Variants in CCDC136 observed in about 807,000 individuals in gnomAD.
CCDC136 encodes the protein coiled-coil domain containing 136.
In CCDC136, 100 loss-of-function variants were observed where a neutral mutation model predicts 141.2. The ratio of observed to expected loss-of-function variants is 0.71; its 90% CI spans 0.60 to 0.84. CCDC136 has a LOEUF of 0.84. Ranked by LOEUF, CCDC136 falls within the 40% of genes least tolerant of loss-of-function variation. The pLI is 0.00. For missense variants in CCDC136, 1,206 were observed against 1,379.4 expected, an observed-to-expected ratio of 0.87 and a Z score of 1.99; for synonymous variants, 474 against 531.9, an observed-to-expected ratio of 0.89 and a Z score of 1.50.
chr7:128,812,319 G>T lies in CCDC136; in HGVS notation c.2541+7G>T, dbSNP rs774129013. On this transcript the variant is annotated splice_region_variant and intron_variant, in intron 13 of 17. Transcript: ENST00000297788. ...TGAGCCTGAAGACATGGAGGTAATG[G>T]TTGCCAGGTGACAGGTCAGGCAGGG... 1 of 1,608,078 alleles carries T rather than the reference G, an allele frequency of 6.2e-7. No homozygotes were observed. The highest frequency in any genetic ancestry group is 8.5e-7 in the Non-Finnish European group (1 of 1,177,478).
rs762129131 is a variant in CCDC136, at chr7:128,805,895, C to T, written c.1083C>T (p.Val361=). ...EVLRFQTSHS[V]TQNEELKSRL... ...TTCGGTTTCAGACCTCCCACAGTGT[C>T]ACCCAGGTAAACACTGCCCGGGGAG... Residue 361 remains valine, a synonymous_variant, in exon 7 of 18, where the codon GTC becomes GTT. Transcript: ENST00000297788. This position sits in a 1 kb window ranked among gnomAD's most constrained non-coding sequence, Gnocchi z 4.6. The T allele has an allele frequency of 4.3e-6, 7 of 1,613,742 alleles. No individual in the cohort carries two copies. In the African/African-American group the frequency reaches 8.0e-5, roughly 18 times the overall value.
Position 128,815,822 on chromosome 7 carries a change from AAG to A in CCDC136, c.3257_3258del (p.Glu1086GlyfsTer9). ...GATCAGGAGGAAAATGAAGAGGACA[AAG>A]AGGAAGAGGAGAAGGAAGAAGACAG... On this transcript the variant is annotated frameshift_variant, in exon 16 of 18. Transcript: ENST00000297788. LOFTEE classifies it high-confidence loss of function. The A allele has an allele frequency of 6.2e-7, 1 of 1,610,624 alleles. No individual in the cohort carries two copies. The highest frequency in any genetic ancestry group is 8.5e-7 in the Non-Finnish European group (1 of 1,178,556).
At chr7:128,810,399 C>T (rs1046811583) in intron 12 of CCDC136, 33 bp downstream of exon 12, 1 of 1,485,924 alleles carries the variant, frequency 6.7e-7, no homozygotes, top group Admixed American at 1.7e-5. Context: ...AGACAGTTCT[C>T]CTGAGCACAA....
chr7:128,817,903 G>T lies in CCDC136; in HGVS notation c.*5+39G>T, dbSNP rs1806894883. On this transcript the variant is annotated intron_variant, in intron 17 of 17. Coordinates refer to ENST00000297788, the MANE Select transcript of CCDC136 (RefSeq NM_022742.5). This position sits in a 1 kb window ranked among gnomAD's most constrained non-coding sequence, Gnocchi z 4.6. Reference sequence around the variant, plus strand: ...TTCCTCTCCTTCTGAGGGATAGAGGGAGGGTGCAGGTTGCCCTGGCCTCTC... The same window carrying T: ...TTCCTCTCCTTCTGAGGGATAGAGGTAGGGTGCAGGTTGCCCTGGCCTCTC... 6.6e-7 allele frequency: 1 copy of T among 1,517,318 alleles called. No homozygotes were observed. Among genetic ancestry groups the T allele is most frequent in the South Asian group, 1.1e-5 (1 of 88,728 alleles). The allele number at this position is 1,517,318 out of a possible 1,614,324, so 94.0% of individuals were successfully genotyped here. A position where few individuals can be genotyped will look rare whatever the true frequency, so the allele number is the denominator to read the frequency against.
rs1305712391 is a variant in CCDC136 at position 128,801,389 on chromosome 7, G to A, written c.550G>A (p.Asp184Asn). The change falls in exon 4 of 18, where the codon GAC becomes AAC. Residue 184 changes from aspartate (D) to asparagine (N), a missense_variant. Transcript: ENST00000297788. ...DLCRMQNELE[D>N]MERIRGDYEM... ...CTGCCGGATGCAGAATGAACTTGAA[G>A]ACATGGAACGCATTCGGGGAGATTA... 1.2e-6 allele frequency: 2 copies of A among 1,613,458 alleles called. No homozygotes were observed. The highest frequency in any genetic ancestry group is 1.7e-5 in the Admixed American group (1 of 59,922).
chr7:128,812,107 C>T lies in CCDC136; in HGVS notation c.2336C>T (p.Thr779Ile). 6.2e-7 allele frequency: 1 copy of T among 1,613,986 alleles called. No homozygotes were observed. The highest frequency in any genetic ancestry group is 2.2e-5 in the East Asian group (1 of 44,882). ...AGCTATTACAAGAGTTACACCAGCA[C>T]CCAGACCAGCAGCAAGAGCTTTCTC... is the stretch of plus-strand genomic sequence containing the variant. Reference protein sequence around the residue: ...NESYYKSYTSTQTSSKSFLKS... With the variant: ...NESYYKSYTSIQTSSKSFLKS... The change falls in exon 13 of 18, where the codon ACC becomes ATC. Residue 779 changes from threonine to isoleucine, a missense_variant. Transcript: ENST00000297788.
At chr7:128,819,376 C>G (rs943691145) in intron 17 of CCDC136, among the ~76,000 whole-genome samples, 1 of 152,234 alleles carries the variant, frequency 6.6e-6, no homozygotes, top group Admixed American at 6.5e-5. Context: ...GAGTCTGTCT[C>G]TACTGACAGG....
intron 17 of CCDC136, among the ~76,000 whole-genome samples, chr7:128,819,913 AT>A (rs940944122): frequency 6.6e-6 from 1 of 152,172 alleles, no homozygotes; most frequent in Non-Finnish European, 1.5e-5. Flanking sequence ...TATTTCATGT[AT>A]TTTTTATAAG....
chr7:128,806,345 C>A lies in CCDC136; in HGVS notation c.1198C>A (p.Arg400=). The A allele has an allele frequency of 6.2e-7, 1 of 1,602,704 alleles. No homozygotes were observed. The highest frequency in any genetic ancestry group is 2.2e-5 in the East Asian group (1 of 44,520). The change falls in exon 8 of 18, where the codon CGG becomes AGG. Residue 400 remains arginine (R), a synonymous_variant. Coordinates refer to ENST00000297788, the MANE Select transcript of CCDC136 (RefSeq NM_022742.5). ...KMQLQLQTEL[R]QLKVMKSTLV... is the part of the protein sequence containing the mutation. ...GCAGCTGCAACTTCAGACTGAGCTC[C>A]GGCAGCTCAAAGTCATGAAATCCAC...
chr7:128,818,904 C>T (rs1005308866), intron 17 of CCDC136, among the ~76,000 whole-genome samples: 8 of 152,200 alleles, frequency 5.3e-5, no homozygotes, highest in South Asian at 2.1e-4. Flanking sequence ...TTCCTGTGAA[C>T]GGAATGTAGC....
chr7:128,812,813 A>G lies in CCDC136; in HGVS notation c.2647A>G (p.Lys883Glu), dbSNP rs757585667. ...EHSQLQEQME[K>E]LLAKQKDLKE... ...CAGCCAGCTGCAAGAGCAGATGGAAAAGTTACTGGCCAAGCAGAAAGACCT... is the reference window on the plus strand; with the variant it reads ...CAGCCAGCTGCAAGAGCAGATGGAAGAGTTACTGGCCAAGCAGAAAGACCT... The change falls in exon 14 of 18, where the codon AAG (lysine) becomes GAG (glutamate). Residue 883 changes from lysine (K) to glutamate (E), a missense_variant. Transcript: ENST00000297788. 1 of 1,613,410 alleles carries G rather than the reference A, an allele frequency of 6.2e-7. No homozygotes were observed. Among genetic ancestry groups the G allele is most frequent in the South Asian group, 1.1e-5 (1 of 91,018 alleles).
Position 128,811,845 on chromosome 7 carries a change from T to A in CCDC136, c.2074T>A (p.Tyr692Asn). 1.2e-6 allele frequency: 2 copies of A among 1,608,326 alleles called. No homozygotes were observed. The highest frequency in any genetic ancestry group is 1.7e-6 in the Non-Finnish European group (2 of 1,177,680). ...GCAGATGCAGGCCCTGCAGGTGATG[T>A]ATGACGCCGGTCAGGCGAAGCAGGA... is the stretch of plus-strand genomic sequence containing the variant. ...MEQMQALQVM[Y>N]DAGQAKQELL... is the part of the protein sequence containing the mutation. The change falls in exon 13 of 18, where the codon TAT (tyrosine) becomes AAT (asparagine). Residue 692 changes from tyrosine (Y) to asparagine (N), a missense_variant. Transcript: ENST00000297788.
At chr7:128,791,384 C>A, upstream of CCDC136, 1 of 741,576 alleles carries the variant, frequency 1.3e-6, no homozygotes, top group Non-Finnish European at 1.9e-6. The surrounding 1 kb of genome is among the most constrained non-coding windows in gnomAD (Gnocchi z 7.1). Flanking sequence ...CCCGGCCAGG[C>A]CCCGCCCCCT....
intron 10 of CCDC136, chr7:128,808,349 G>A (rs900836624): frequency 2.1e-6 from 1 of 465,430 alleles, no homozygotes; most frequent in African/African-American, 2.1e-5. Flanking sequence ...TAATTAAATT[G>A]TGGAAGGTTG....
chr7:128,805,995 G>C lies in CCDC136; in HGVS notation c.1089+94G>C. 1 of 1,449,866 alleles carries C rather than the reference G, an allele frequency of 6.9e-7. No individual in the cohort carries two copies. The highest frequency in any genetic ancestry group is 9.5e-7 in the Non-Finnish European group (1 of 1,048,316). 89.8% of individuals were successfully genotyped at this position (1,449,866 alleles called of 1,614,324 possible). A position where few individuals can be genotyped will look rare whatever the true frequency, so the allele number is the denominator to read the frequency against. On this transcript the variant is annotated intron_variant, in intron 7 of 17. Coordinates refer to ENST00000297788, the MANE Select transcript of CCDC136 (RefSeq NM_022742.5). The surrounding 1 kb of genome is among the most constrained non-coding windows in gnomAD (Gnocchi z 4.6). Reference sequence around the variant, plus strand: ...GGGTGGGCACAGTGAGTATGGCTGTGCTCTGCTGACTCTTGCCCTGCAACT... The same window carrying C: ...GGGTGGGCACAGTGAGTATGGCTGTCCTCTGCTGACTCTTGCCCTGCAACT...
Position 128,805,473 on chromosome 7 carries a change from A to G in CCDC136, c.897A>G (p.Leu299=). 1.2e-6 allele frequency: 2 copies of G among 1,613,920 alleles called. No homozygotes were observed. The highest frequency in any genetic ancestry group is 1.7e-5 in the Admixed American group (1 of 60,030). ...AGCCTGATCCTGAAATGCAGTTGTT[A>G]CGGCAGCAGCTACGGGATGCTGAAG... ...FLEPDPEMQL[L]RQQLRDAEEQ... The change falls in exon 6 of 18, where the codon TTA becomes TTG. Residue 299 remains leucine, a synonymous_variant. Coordinates refer to ENST00000297788, the MANE Select transcript of CCDC136 (RefSeq NM_022742.5). The surrounding 1 kb of genome is among the most constrained non-coding windows in gnomAD (Gnocchi z 4.6).
At chr7:128,815,158 A>C (rs893610465) in intron 15 of CCDC136, among the ~76,000 whole-genome samples, 1 of 152,240 alleles carries the variant, frequency 6.6e-6, no homozygotes, top group Non-Finnish European at 1.5e-5. Flanking sequence ...AAAGGACCAC[A>C]GCCCCTAGGC....
intron 13 of CCDC136, among the ~76,000 whole-genome samples, 189 bp downstream of exon 13, chr7:128,812,501 AT>A (rs964747996): frequency 6.6e-6 from 1 of 152,122 alleles, no homozygotes; most frequent in East Asian, 1.9e-4. Flanking sequence ...CATAGAGAGA[AT>A]CCCCCATCTG....
At chr7:128,801,159 G>T in intron 3 of CCDC136, 27 bp from the exon 4 acceptor site, 2 of 1,572,978 alleles carry the variant, frequency 1.3e-6, no homozygotes, top group Non-Finnish European at 8.7e-7. Flanking sequence ...CTGCCCTCTT[G>T]ATCATCTCAA....
Sources: gnomAD v4.1 joint callset for allele counts (sites outside exome capture counted in the v4.1 genomes callset) on GRCh38, gnomAD v4.1.1 for gene constraint, Gnocchi (gnomAD v3.1) non-coding constraint, MANE v1.5 for transcripts, NCBI Gene and HGNC (gene_info 2026-07-23, HGNC 2026-07-21) for gene names.